BFAR: variants seen among roughly 807,000 people sequenced by gnomAD.
BFAR encodes bifunctional apoptosis regulator, also known as RING finger protein 47.
Under a neutral mutation model 54.4 loss-of-function variants are expected in BFAR, and 52 were observed. The observed-to-expected ratio is 0.96, with a 90% CI of 0.77 to 1.21. The LOEUF is 1.21. Among genes scored for constraint, BFAR ranks in the 50% most tolerant of loss-of-function variants. BFAR has a pLI of 0.00. For missense variants in BFAR, 571 were observed against 534.0 expected, an observed-to-expected ratio of 1.07 and a Z score of -0.68; for synonymous variants, 215 against 204.3, an observed-to-expected ratio of 1.05 and a Z score of -0.45.
intron 2 of BFAR, 68 bp from the exon 3 acceptor site, chr16:14,648,319 CT>C: frequency 1.1e-5 from 14 of 1,251,544 alleles, no homozygotes; most frequent in Admixed American, 1.9e-5. Context: ...ACTATCAGGG[CT>C]TTTTTGGCCT....
Position 14,664,959 on chromosome 16 carries a change from G to C in BFAR, c.1048G>C (p.Asp350His), listed in dbSNP as rs780117280. The C allele has an allele frequency of 1.9e-6, 3 of 1,613,934 alleles. No individual in the cohort carries two copies. The South Asian group carries it at 3.3e-5, about 18-fold the overall frequency. Reference protein sequence around the residue: ...PYQLIAEFAWDWLEVHYWTSR... With the variant: ...PYQLIAEFAWHWLEVHYWTSR... ...CCAGCTGATTGCTGAGTTTGCTTGG[G>C]ACTGGTTGGAGGTCCATTACTGGAC... Residue 350 changes from aspartate to histidine, a missense_variant, in exon 7 of 8, where the codon GAC becomes CAC. By Grantham distance (81) the Asp-to-His change is moderately conservative. Transcript: ENST00000261658.
intron 5 of BFAR, among the ~76,000 whole-genome samples, chr16:14,657,595 T>A (rs972182096): frequency 6.6e-6 from 1 of 150,542 alleles, no homozygotes; most frequent in Non-Finnish European, 1.5e-5. Flanking sequence ...CAGACTGGAG[T>A]GCAGTGGTGC....
At chr16:14,642,874 G>C (rs1230411473) in intron 1 of BFAR, among the ~76,000 whole-genome samples, 1 of 152,154 alleles carries the variant, frequency 6.6e-6, no homozygotes, top group African/African-American at 2.4e-5. Flanking sequence ...ACCTGGAAAG[G>C]TCTTTGGGAA....
At chr16:14,654,962 A>G in intron 4 of BFAR, 104 bp from the exon 5 acceptor site, 1 of 1,219,600 alleles carries the variant, frequency 8.2e-7, no homozygotes, top group Non-Finnish European at 1.1e-6. Flanking sequence ...GTCTCACCAT[A>G]CCTCAAGCCT....
chr16:14,657,446 C>T (rs1172730791), intron 5 of BFAR, among the ~76,000 whole-genome samples: 4 of 152,004 alleles, frequency 2.6e-5, no homozygotes, highest in African/African-American at 9.7e-5. Flanking sequence ...GACGAGCTTT[C>T]ACCATGTTAA....
intron 1 of BFAR, among the ~76,000 whole-genome samples, chr16:14,636,450 T>C (rs2151834041): frequency 6.6e-6 from 1 of 152,366 alleles, no homozygotes; most frequent in Non-Finnish European, 1.5e-5. Flanking sequence ...TGCTGTGCTT[T>C]AGATATGCAT....
At position 14,667,659 on chromosome 16, in the gene BFAR, C is replaced by A. The variant is rs980125661; in HGVS notation, c.1185C>A (p.Ser395Arg). The change falls in exon 8 of 8, where the codon AGC becomes AGA. Residue 395 changes from serine to arginine, a missense_variant. Physicochemically the swap from Ser to Arg is moderately radical, Grantham distance 110 (BLOSUM62 -1). Coordinates refer to ENST00000261658, the MANE Select transcript of BFAR (RefSeq NM_016561.3). ...ELKTVPQRMW[S>R]HFWKVSTQGL... is the part of the protein sequence containing the mutation. The stretch of plus-strand genomic sequence containing the variant: ...GGACCGTGCCTCAGAGGATGTGGAG[C>A]CATTTCTGGAAAGTATCAACGCAGG... The A allele has an allele frequency of 6.2e-7, 1 of 1,614,068 alleles. No individual in the cohort carries two copies. The highest frequency in any genetic ancestry group is 8.5e-7 in the Non-Finnish European group (1 of 1,179,986).
chr16:14,654,511 T>A (rs1443693210), intron 4 of BFAR, among the ~76,000 whole-genome samples: 1 of 141,980 alleles, frequency 7.0e-6, no homozygotes, highest in Non-Finnish European at 1.5e-5. Flanking sequence ...TTTTTTTTTT[T>A]TTTTTTTGAG....
chr16:14,649,896 T>C lies in BFAR; in HGVS notation c.561T>C (p.Val187=). The change falls in exon 4 of 8, where the codon GTT becomes GTC. Residue 187 remains valine (V), a synonymous_variant. Coordinates refer to ENST00000261658, the MANE Select transcript of BFAR (RefSeq NM_016561.3). The part of the protein sequence containing the change: ...KAVAKWTAEE[V]VLWLEQLGPW... Reference sequence around the variant, plus strand: ...TGGCCAAATGGACGGCGGAAGAAGTTGTCCTCTGGCTGGAGCAGCTGGGCC... The same window carrying C: ...TGGCCAAATGGACGGCGGAAGAAGTCGTCCTCTGGCTGGAGCAGCTGGGCC... 1.2e-6 allele frequency: 2 copies of C among 1,613,784 alleles called. No individual in the cohort carries two copies. Among genetic ancestry groups the C allele is most frequent in the Non-Finnish European group, 1.7e-6 (2 of 1,179,828 alleles).
intron 6 of BFAR, 37 bp downstream of exon 6, chr16:14,662,102 C>G (rs1041245344): frequency 2.5e-6 from 4 of 1,606,322 alleles, no homozygotes; most frequent in Non-Finnish European, 3.4e-6. Context: ...AGTTATTCCA[C>G]TGTCAAGTTA....
intron 1 of BFAR, among the ~76,000 whole-genome samples, chr16:14,635,484 T>G (rs1228702962): frequency 6.6e-6 from 1 of 152,036 alleles, no homozygotes; most frequent in Non-Finnish European, 1.5e-5. Context: ...ATCTACAGAG[T>G]ATAGTACAGG....
At chr16:14,661,858 T>C (rs1960297324) in intron 5 of BFAR, 34 bp from the exon 6 acceptor site, 2 of 1,608,022 alleles carry the variant, frequency 1.2e-6, no homozygotes, top group Non-Finnish European at 1.7e-6. Context: ...GCCGCCATGG[T>C]TGTAATGTGG....
chr16:14,661,700 C>T (rs909091145), intron 5 of BFAR, among the ~76,000 whole-genome samples, 192 bp from the exon 6 acceptor site: 2 of 152,142 alleles, frequency 1.3e-5, no homozygotes, highest in African/African-American at 4.8e-5. Context: ...CACCATGCTC[C>T]GCCAAGATCG....
chr16:14,646,934 T>A (rs1246291128), intron 2 of BFAR, among the ~76,000 whole-genome samples: 3 of 152,114 alleles, frequency 2.0e-5, no homozygotes, highest in Non-Finnish European at 4.4e-5. Context: ...CAGATTTTTT[T>A]AAATACTTTT....
In BFAR at chr16:14,667,690, T is replaced by C. The variant is rs1960481109; in HGVS notation, c.1216T>C (p.Phe406Leu). The C allele has an allele frequency of 3.7e-6, 6 of 1,614,102 alleles. No individual in the cohort carries two copies. Among genetic ancestry groups the C allele is most frequent in the Non-Finnish European group, 5.1e-6 (6 of 1,180,032 alleles). Reference protein sequence around the residue: ...HFWKVSTQGLFVAMFWPLIPQ... With the variant: ...HFWKVSTQGLLVAMFWPLIPQ... Reference sequence around the variant, plus strand: ...CTGGAAAGTATCAACGCAGGGGCTTTTTGTGGCCATGTTCTGGCCCCTCAT... The same window carrying C: ...CTGGAAAGTATCAACGCAGGGGCTTCTTGTGGCCATGTTCTGGCCCCTCAT... The change falls in exon 8 of 8, where the codon TTT becomes CTT. Residue 406 changes from phenylalanine to leucine, a missense_variant. Transcript: ENST00000261658.
At chr16:14,652,826 T>TAA (rs1245483048) in intron 4 of BFAR, among the ~76,000 whole-genome samples, 3 of 152,140 alleles carry the variant, frequency 2.0e-5, no homozygotes, top group African/African-American at 7.2e-5. Context: ...CTAAGGGTGT[T>TAA]ACGTATAACA....
rs528596737 is a variant in BFAR at position 14,668,835 on chromosome 16, TAAAA to T, written c.*1021_*1024del. The T allele has an allele frequency of 2.5e-5, 4 of 158,242 alleles. No individual in the cohort carries two copies. The highest frequency in any genetic ancestry group is 2.3e-4 in the South Asian group (2 of 8,780). 9.8% of individuals were successfully genotyped at this position (158,242 alleles called of 1,614,324 possible). The stretch of plus-strand genomic sequence containing the variant: ...TGGGTGACAGAGGGAGACTCTGTCT[TAAAA>T]AAAAAAAAAAAATCATCTGTAAAAT... On this transcript the variant is annotated 3_prime_UTR_variant, in exon 8 of 8. Coordinates refer to ENST00000261658, the MANE Select transcript of BFAR (RefSeq NM_016561.3).
chr16:14,667,448 G>A, intron 7 of BFAR, 187 bp from the exon 8 acceptor site: 1 of 587,560 alleles, frequency 1.7e-6, no homozygotes. Flanking sequence ...CTCCCTGTAG[G>A]TCATGTCCTT....
intron 6 of BFAR, among the ~76,000 whole-genome samples, chr16:14,662,345 C>G (rs973769587): frequency 6.6e-6 from 1 of 151,646 alleles, no homozygotes; most frequent in African/African-American, 2.4e-5. Context: ...CCTTTTTTTC[C>G]CCCAAAGACC....
Sources: allele counts gnomAD v4.1 joint callset (sites outside exome capture counted in the v4.1 genomes callset), GRCh38; gene constraint gnomAD v4.1.1; transcripts MANE v1.5; gene names NCBI Gene and HGNC (gene_info 2026-07-23, HGNC 2026-07-21).